EPHX2: variants seen among roughly 807,000 people sequenced by gnomAD.
EPHX2 encodes bifunctional epoxide hydrolase 2.
Under a neutral mutation model 78.7 loss-of-function variants are expected in EPHX2, and 74 were observed. The ratio of observed to expected loss-of-function variants is 0.94; its 90% CI spans 0.78 to 1.14. The LOEUF (loss-of-function observed/expected upper bound fraction) is 1.14, where lower values mean the gene tolerates loss of function less well. Among genes scored for constraint, EPHX2 ranks in the 50% most tolerant of loss-of-function variants. EPHX2 has a pLI of 0.00. For synonymous variants in EPHX2, 251 were observed against 255.2 expected (o/e 0.98, Z 0.16); for missense variants, 715 against 702.5 (o/e 1.02, Z -0.20).
intron 5 of EPHX2, among the ~76,000 whole-genome samples, chr8:27,508,350 A>G (rs1814095767): frequency 6.6e-6 from 1 of 152,208 alleles, no homozygotes; most frequent in African/African-American, 2.4e-5. Context: ...CTTTAACGTG[A>G]ATTTTGAGAG....
intron 1 of EPHX2, among the ~76,000 whole-genome samples, chr8:27,491,970 T>C (rs2132700617): frequency 6.6e-6 from 1 of 151,970 alleles, no homozygotes; most frequent in East Asian, 1.9e-4. Context: ...TTTTTGTAGT[T>C]TCCAACTTCT....
At chr8:27,491,565 T>C (rs1337756071) in intron 1 of EPHX2, among the ~76,000 whole-genome samples, 1 of 152,242 alleles carries the variant, frequency 6.6e-6, no homozygotes, top group Non-Finnish European at 1.5e-5. Context: ...GAGGAGTTAC[T>C]CATGGAGCTT....
In EPHX2 at chr8:27,506,950, A is replaced by G; in HGVS notation, c.616A>G (p.Thr206Ala). 3.7e-6 allele frequency: 6 copies of G among 1,614,138 alleles called. No individual in the cohort carries two copies. In the South Asian group the frequency reaches 5.5e-5, roughly 15 times the overall value. ...LGMVTILVQD[T>A]DTALKELEKV... ...AATGGTCACCATCCTGGTCCAGGAC[A>G]CTGACACGGCCCTGAAAGAACTGGA... The change falls in exon 5 of 19, where the codon ACT (threonine) becomes GCT (alanine). Residue 206 changes from threonine to alanine, a missense_variant. Transcript: ENST00000521400.
chr8:27,492,571 T>A (rs1813418550), intron 1 of EPHX2, among the ~76,000 whole-genome samples: 1 of 152,036 alleles, frequency 6.6e-6, no homozygotes, highest in Non-Finnish European at 1.5e-5. Context: ...AAAGAGTGAG[T>A]GATAGCAAGG....
chr8:27,533,710 C>T (rs903563292), intron 12 of EPHX2, among the ~76,000 whole-genome samples: 4 of 152,244 alleles, frequency 2.6e-5, no homozygotes, highest in Admixed American at 1.3e-4. Context: ...GCCTCATTCT[C>T]CCTAGTAGCT....
At chr8:27,531,435 G>A (rs77579667) in intron 12 of EPHX2, among the ~76,000 whole-genome samples, 4,365 of 152,294 alleles carry the variant, frequency 0.029, 202 homozygotes, top group African/African-American at 0.098. Context: ...TTTGCTGTCT[G>A]CCCAGATTTC....
Position 27,507,532 on chromosome 8 carries a change from G to A in EPHX2, c.660+538G>A, listed in dbSNP as rs72475816. Among the ~76,000 whole-genome samples the A allele has an allele frequency of 1.3e-3, 194 of 152,276 alleles. 4 individuals carry two copies. The East Asian group carries it at 0.03, about 24-fold the overall frequency. On this transcript the variant is annotated intron_variant, in intron 5 of 18. Transcript: ENST00000521400. ...TCTTTTTTGGGGTTGACCTGAGATCGCTGATCTCACTGAGTCCACAGCCTT... is the reference window on the plus strand; with the variant it reads ...TCTTTTTTGGGGTTGACCTGAGATCACTGATCTCACTGAGTCCACAGCCTT...
chr8:27,525,254 T>C, intron 11 of EPHX2, 108 bp from the exon 12 acceptor site: 1 of 918,936 alleles, frequency 1.1e-6, no homozygotes, highest in Non-Finnish European at 1.8e-6. Flanking sequence ...ACCTTGTGCA[T>C]AGAATGTTCC....
intron 14 of EPHX2, among the ~76,000 whole-genome samples, chr8:27,539,683 C>A (rs532073366): frequency 2.0e-5 from 3 of 152,314 alleles, no homozygotes; most frequent in African/African-American, 7.2e-5. Context: ...AGCAGGGTGG[C>A]CACCCTCAGT....
Position 27,545,047 on chromosome 8 carries a change from C to T in EPHX2, c.*525C>T, listed in dbSNP as rs1815543181. The T allele has an allele frequency of 1.3e-5, 2 of 158,248 alleles. No individual in the cohort carries two copies. Among genetic ancestry groups the T allele is most frequent in the Admixed American group, 6.0e-5 (1 of 16,560 alleles). The allele number at this position is 158,248 out of a possible 1,614,324, so 9.8% of individuals were successfully genotyped here. A position where few individuals can be genotyped will look rare whatever the true frequency, so the allele number is the denominator to read the frequency against. On this transcript the variant is annotated 3_prime_UTR_variant, in exon 19 of 19. Coordinates refer to ENST00000521400, the MANE Select transcript of EPHX2 (RefSeq NM_001979.6). Reference sequence around the variant, plus strand: ...CTCCAAGGTGCTGTATGATCTAGGCCGTGCTGGCCAGGAGACAATCCTATG... The same window carrying T: ...CTCCAAGGTGCTGTATGATCTAGGCTGTGCTGGCCAGGAGACAATCCTATG...
At chr8:27,502,302 C>G (rs1462476828) in intron 2 of EPHX2, among the ~76,000 whole-genome samples, 2 of 152,210 alleles carry the variant, frequency 1.3e-5, no homozygotes, top group African/African-American at 4.8e-5. Context: ...GACATTCCAT[C>G]ACATTCATAT....
chr8:27,523,138 G>A (rs1332198910), intron 11 of EPHX2, among the ~76,000 whole-genome samples: 2 of 152,164 alleles, frequency 1.3e-5, no homozygotes, highest in Non-Finnish European at 2.9e-5. Context: ...TGTGTCTTCA[G>A]TCCTGGACTG....
intron 9 of EPHX2, 100 bp from the exon 10 acceptor site, chr8:27,520,783 C>T (rs1814617371): frequency 7.0e-7 from 1 of 1,438,820 alleles, no homozygotes; most frequent in African/African-American, 1.4e-5. Flanking sequence ...GTTAGGACTT[C>T]AACACAGCAG....
rs1203660738 is a variant in EPHX2 at position 27,542,018 on chromosome 8, T to A, written c.1449+476T>A. 2.6e-5 allele frequency among the ~76,000 whole-genome samples: 4 copies of A among 152,166 alleles called. No individual in the cohort carries two copies. The South Asian group carries it at 6.2e-4, about 24-fold the overall frequency. Reference sequence around the variant, plus strand: ...AAGCAGAAGATGAGTTTCCAATCTCTGGGTCTGCAGAAGGAGTAATGGAGG... The same window carrying A: ...AAGCAGAAGATGAGTTTCCAATCTCAGGGTCTGCAGAAGGAGTAATGGAGG... On this transcript the variant is annotated intron_variant, in intron 16 of 18. Transcript: ENST00000521400.
At position 27,500,917 on chromosome 8, in the gene EPHX2, G is replaced by GT; in HGVS notation, c.102-5dup. 2 of 1,611,788 alleles carry GT rather than the reference G, an allele frequency of 1.2e-6. No individual in the cohort carries two copies. The highest frequency in any genetic ancestry group is 1.7e-6 in the Non-Finnish European group (2 of 1,178,810). ...ACAGAATGTTCCTGATGTTCTTTGT[G>GT]TTTTCCAGAGGACTTCTGAATGATG... On this transcript the variant is annotated splice_polypyrimidine_tract_variant and intron_variant, in intron 1 of 18. Transcript: ENST00000521400.
intron 4 of EPHX2, among the ~76,000 whole-genome samples, chr8:27,506,614 A>C (rs1814014368): frequency 6.6e-6 from 1 of 152,156 alleles, no homozygotes. Flanking sequence ...TTCCCAGAAG[A>C]ATTTTAATGT....
At chr8:27,532,431 T>C (rs993775700) in intron 12 of EPHX2, among the ~76,000 whole-genome samples, 4 of 152,260 alleles carry the variant, frequency 2.6e-5, no homozygotes, top group Non-Finnish European at 5.9e-5. Flanking sequence ...GGGCTTCTCC[T>C]TTTGTGTTCC....
chr8:27,516,427 T>C (rs1216880666), intron 8 of EPHX2, 29 bp downstream of exon 8: 3 of 1,606,956 alleles, frequency 1.9e-6, no homozygotes, highest in South Asian at 2.2e-5. Flanking sequence ...AGCTGTCTTA[T>C]GCTGGTCTTG....
At chr8:27,507,240 G>T (rs1284868285) in intron 5 of EPHX2, among the ~76,000 whole-genome samples, 1 of 152,190 alleles carries the variant, frequency 6.6e-6, no homozygotes, top group Non-Finnish European at 1.5e-5. Context: ...CAGGGCCGGG[G>T]AACTGGCAGC....
Sources: gnomAD v4.1 joint callset for allele counts (sites outside exome capture counted in the v4.1 genomes callset) on GRCh38, gnomAD v4.1.1 for gene constraint, MANE v1.5 for transcripts, NCBI Gene and HGNC (gene_info 2026-07-23, HGNC 2026-07-21) for gene names.